EXOC2: variants seen among roughly 807,000 people sequenced by gnomAD.
The protein encoded by EXOC2 is exocyst complex component 2.
EXOC2 carries 70 observed loss-of-function variants against 131.8 expected under a neutral mutation model. The observed-to-expected ratio is 0.53, with a 90% CI of 0.44 to 0.65. The LOEUF (loss-of-function observed/expected upper bound fraction) is 0.65. Among genes scored for constraint, EXOC2 ranks in the 30% least tolerant of loss-of-function variants. EXOC2 has a pLI of 0.00. For missense variants in EXOC2, 923 were observed against 1,108.6 expected (o/e 0.83, Z 2.38); for synonymous variants, 411 against 398.4 (o/e 1.03, Z -0.38).
At chr6:495,551 G>C (rs894757170) in intron 25 of EXOC2, among the ~76,000 whole-genome samples, 3 of 152,176 alleles carry the variant, frequency 2.0e-5, no homozygotes, top group Admixed American at 1.3e-4. Flanking sequence ...TAAATAACTA[G>C]GATCGGAATA....
At position 599,591 on chromosome 6, in the gene EXOC2, T is replaced by G. The variant is rs117756836; in HGVS notation, c.743-366A>C. ...TAAAACACACACATACGCATGTATG[T>G]GCATACACGTGTACATTAGCTAAAT... On this transcript the variant is annotated intron_variant, in intron 7 of 27. Transcript: ENST00000230449. Among the ~76,000 whole-genome samples the G allele has an allele frequency of 4.1e-4, 62 of 152,312 alleles. No individual in the cohort carries two copies. In the East Asian group the frequency reaches 0.011, roughly 28 times the overall value.
chr6:675,014 C>A (rs11757548), intron 1 of EXOC2, among the ~76,000 whole-genome samples: 21,768 of 152,078 alleles, frequency 0.14, 1,728 homozygotes, highest in African/African-American at 0.21. Context: ...CCCTGCCTAG[C>A]CATTCCTTCC....
intron 23 of EXOC2, among the ~76,000 whole-genome samples, chr6:509,513 C>T (rs1328795196): frequency 2.0e-5 from 3 of 152,058 alleles, no homozygotes; most frequent in Non-Finnish European, 4.4e-5. Context: ...CTATGATAGT[C>T]TATTTTAAAA....
At chr6:508,629 G>A (rs889417151) in intron 23 of EXOC2, among the ~76,000 whole-genome samples, 7 of 152,124 alleles carry the variant, frequency 4.6e-5, no homozygotes, top group Non-Finnish European at 8.8e-5. Flanking sequence ...TCTTAGTGCC[G>A]AGTAATATTC....
chr6:488,359 G>A (rs1367965505), intron 27 of EXOC2, among the ~76,000 whole-genome samples: 6 of 152,232 alleles, frequency 3.9e-5, no homozygotes, highest in Non-Finnish European at 7.3e-5. Context: ...GCCTCAGCTC[G>A]GGGGAGCCTG....
At chr6:671,384 G>C (rs1352254394) in intron 1 of EXOC2, among the ~76,000 whole-genome samples, 4 of 151,608 alleles carry the variant, frequency 2.6e-5, no homozygotes, top group Admixed American at 1.3e-4. Flanking sequence ...AAAACTATTT[G>C]TTTTTTAAGC....
chr6:676,005 A>G (rs1764105411), intron 1 of EXOC2, among the ~76,000 whole-genome samples: 1 of 123,708 alleles, frequency 8.1e-6, no homozygotes, highest in Non-Finnish European at 1.8e-5. Flanking sequence ...ACATTACGGA[A>G]AGGACAGCCT....
At chr6:489,826 T>C (rs909523443) in intron 26 of EXOC2, among the ~76,000 whole-genome samples, 10 of 152,082 alleles carry the variant, frequency 6.6e-5, no homozygotes, top group Admixed American at 2.6e-4. Flanking sequence ...TACCAGGAAA[T>C]ACGTTTTTGA....
At chr6:538,072 A>G (rs1320744090) in intron 22 of EXOC2, among the ~76,000 whole-genome samples, 1 of 152,216 alleles carries the variant, frequency 6.6e-6, no homozygotes, top group Non-Finnish European at 1.5e-5. Context: ...TTAAAAAAAG[A>G]AGGGAAAAGA....
intron 23 of EXOC2, among the ~76,000 whole-genome samples, chr6:513,499 A>T (rs1310693993): frequency 6.6e-6 from 1 of 152,224 alleles, no homozygotes; most frequent in African/African-American, 2.4e-5. Flanking sequence ...TTTCATATCC[A>T]TCATATTTAA....
intron 22 of EXOC2, among the ~76,000 whole-genome samples, chr6:547,383 G>GAGAGA (rs1277412791): frequency 6.6e-6 from 1 of 152,218 alleles, no homozygotes; most frequent in African/African-American, 2.4e-5. Flanking sequence ...AGAGGAGTCT[G>GAGAGA]AGAGAAGGTC....
chr6:648,716 CTTTTTTTTTTTTT>C (rs60202015), intron 1 of EXOC2, among the ~76,000 whole-genome samples: 2 of 88,560 alleles, frequency 2.3e-5, no homozygotes, highest in South Asian at 4.0e-4. Context: ...TTTAAAAACT[CTTTTTTTTTTTTT>C]TTTTTTTTTT....
At chr6:499,935 T>C (rs1386570974) in intron 23 of EXOC2, among the ~76,000 whole-genome samples, 1 of 152,208 alleles carries the variant, frequency 6.6e-6, no homozygotes, top group Non-Finnish European at 1.5e-5. Context: ...TCACTGTTTA[T>C]GTTCTCTATA....
chr6:656,515 C>G (rs1302091017), intron 1 of EXOC2: 1 of 1,605,416 alleles, frequency 6.2e-7, no homozygotes, highest in Admixed American at 1.7e-5. Flanking sequence ...GGCAGGCAGT[C>G]CCGCCACACT....
chr6:684,517 G>A (rs1764555118), intron 1 of EXOC2, among the ~76,000 whole-genome samples: 1 of 152,036 alleles, frequency 6.6e-6, no homozygotes, highest in African/African-American at 2.4e-5. Context: ...GTACACTTAA[G>A]TAAATACATT....
At chr6:656,480 C>G in intron 1 of EXOC2, 1 of 1,610,422 alleles carries the variant, frequency 6.2e-7, no homozygotes, top group Middle Eastern at 1.7e-4. Context: ...GGCGGATGCT[C>G]GCGTCGGAGG....
chr6:565,969 C>T (rs1757943993), intron 13 of EXOC2, among the ~76,000 whole-genome samples: 2 of 152,190 alleles, frequency 1.3e-5, no homozygotes, highest in Admixed American at 1.3e-4. Context: ...ACAAACCTGA[C>T]AAAAAAACGG....
intron 11 of EXOC2, among the ~76,000 whole-genome samples, chr6:579,751 T>A (rs1020440134): frequency 1.3e-5 from 2 of 152,056 alleles, no homozygotes; most frequent in African/African-American, 4.8e-5. Context: ...ACAAATTATG[T>A]ATGACCAAGT....
chr6:654,925 T>C (rs1432830160), intron 1 of EXOC2, among the ~76,000 whole-genome samples: 2 of 151,476 alleles, frequency 1.3e-5, no homozygotes, highest in Admixed American at 1.3e-4. Context: ...AAGTGACTTT[T>C]TTGAGATAGA....
Sources: gnomAD v4.1 joint callset for allele counts (sites outside exome capture counted in the v4.1 genomes callset) on GRCh38, gnomAD v4.1.1 for gene constraint, MANE v1.5 for transcripts, NCBI Gene and HGNC (gene_info 2026-07-23, HGNC 2026-07-21) for gene names.